The following SH3BGRL variants were observed in gnomAD, a reference collection of about 807,000 sequenced individuals.
The protein encoded by SH3BGRL is SH3 domain binding glutamate rich protein like, also known as adapter SH3BGRL.
In SH3BGRL, 7 loss-of-function variants were observed where a neutral mutation model predicts 9.8. The observed-to-expected ratio is 0.72, with a 90% confidence interval of 0.41 to 1.35. The LOEUF (loss-of-function observed/expected upper bound fraction) is 1.35, where lower values mean the gene tolerates loss of function less well. Among genes scored for constraint, SH3BGRL ranks in the 40% most tolerant of loss-of-function variants. The pLI is 0.01. For missense variants in SH3BGRL, 73 were observed against 84.4 expected (o/e 0.86, Z 0.53); for synonymous variants, 36 against 29.1 (o/e 1.24, Z -0.76).
At chrX:81,236,437 G>T (rs2075648115) in intron 1 of SH3BGRL, among the ~76,000 whole-genome samples, 1 of 111,789 alleles carries the variant, frequency 8.9e-6, no homozygotes, top group South Asian at 3.7e-4. Flanking sequence ...AAACGACTCA[G>T]TGTTAGGTTT....
chrX:81,278,941 C>G (rs1252276687), intron 3 of SH3BGRL, among the ~76,000 whole-genome samples: 2 of 112,190 alleles, frequency 1.8e-5, no homozygotes, highest in Admixed American at 1.9e-4. Flanking sequence ...TCAGGAGAGA[C>G]CAAATAAAGA....
At chrX:81,266,498 C>T (rs1312973531) in intron 1 of SH3BGRL, among the ~76,000 whole-genome samples, 5 of 111,555 alleles carry the variant, frequency 4.5e-5, no homozygotes, top group East Asian at 2.8e-4. Context: ...TCAGATTTAT[C>T]GAAGATCAGA....
At chrX:81,253,244 A>T (rs2075716214) in intron 1 of SH3BGRL, among the ~76,000 whole-genome samples, 1 of 112,779 alleles carries the variant, frequency 8.9e-6, no homozygotes, top group African/African-American at 3.2e-5. Flanking sequence ...GATTTCACAC[A>T]TAAATAACCC....
chrX:81,211,760 C>T (rs761734912), intron 1 of SH3BGRL, among the ~76,000 whole-genome samples: 73 of 111,442 alleles, frequency 6.6e-4, no homozygotes, highest in African/African-American at 2.3e-3. Context: ...TGCCTTTGAA[C>T]GTCGGACTTC....
intron 1 of SH3BGRL, among the ~76,000 whole-genome samples, chrX:81,226,597 A>G (rs1385518945): frequency 9.8e-6 from 1 of 102,063 alleles, no homozygotes; most frequent in Non-Finnish European, 2.0e-5. Context: ...TATTTTATGT[A>G]TTTATATTTT....
chrX:81,211,812 C>T (rs1038117561), intron 1 of SH3BGRL, among the ~76,000 whole-genome samples: 1 of 111,080 alleles, frequency 9.0e-6, no homozygotes, highest in Non-Finnish European at 1.9e-5. Context: ...CTCCTTGATC[C>T]TCAGCTTGCA....
intron 1 of SH3BGRL, among the ~76,000 whole-genome samples, chrX:81,242,362 T>C (rs1336177245): frequency 8.9e-6 from 1 of 111,926 alleles, no homozygotes; most frequent in African/African-American, 3.3e-5. Context: ...GACATCCATA[T>C]GCAGAAGAAT....
intron 1 of SH3BGRL, among the ~76,000 whole-genome samples, chrX:81,203,668 G>T (rs1476251242): frequency 9.0e-6 from 1 of 111,508 alleles, no homozygotes; most frequent in Non-Finnish European, 1.9e-5. Context: ...CAGGCAGTTA[G>T]TTTTGCTTTG....
chrX:81,264,562 T>C (rs765384052), intron 1 of SH3BGRL, among the ~76,000 whole-genome samples: 34 of 111,776 alleles, frequency 3.0e-4, no homozygotes, highest in African/African-American at 8.4e-4. Context: ...TGGGGTTATC[T>C]TGGGAGGCTT....
chrX:81,237,515 T>A (rs2075652315), intron 1 of SH3BGRL, among the ~76,000 whole-genome samples: 1 of 111,578 alleles, frequency 9.0e-6, no homozygotes, highest in Non-Finnish European at 1.9e-5. Context: ...CAAACTCAGC[T>A]GATGTCTGGA....
At chrX:81,204,793 G>T (rs188107446) in intron 1 of SH3BGRL, among the ~76,000 whole-genome samples, 61 of 112,174 alleles carry the variant, frequency 5.4e-4, no homozygotes, top group African/African-American at 1.8e-3. Context: ...CTGCAATCCA[G>T]CCTGGGCAAC....
intron 2 of SH3BGRL, among the ~76,000 whole-genome samples, 158 bp from the exon 3 acceptor site, chrX:81,278,172 AG>A (rs909599152): frequency 3.6e-5 from 4 of 112,529 alleles, no homozygotes; most frequent in Admixed American, 1.9e-4. Flanking sequence ...CATGTTGGTC[AG>A]GCTGGTCTCA....
At chrX:81,265,383 C>T (rs900007014) in intron 1 of SH3BGRL, among the ~76,000 whole-genome samples, 40 of 108,743 alleles carry the variant, frequency 3.7e-4, no homozygotes, top group Non-Finnish European at 5.9e-4. Context: ...CCACAGGCCC[C>T]GGTGTGTGAT....
chrX:81,289,550 A>G (rs1401227612), intron 3 of SH3BGRL, among the ~76,000 whole-genome samples: 1 of 111,555 alleles, frequency 9.0e-6, no homozygotes, highest in Non-Finnish European at 1.9e-5. Flanking sequence ...ACGAGCATAT[A>G]TGAGAGGCTC....
rs762540418 is a variant in SH3BGRL, at chrX:81,224,301, C to T, written c.45+22056C>T. On this transcript the variant is annotated intron_variant, in intron 1 of 3. Transcript: ENST00000373212. Reference sequence around the variant, plus strand: ...TCAACCAGGAAACCCTGTGTTGGGGCGTAAAGGGCCTTAGGGAAATGGGTT... The same window carrying T: ...TCAACCAGGAAACCCTGTGTTGGGGTGTAAAGGGCCTTAGGGAAATGGGTT... Among the ~76,000 whole-genome samples, 12 of 111,085 alleles carry T rather than the reference C, an allele frequency of 1.1e-4. No homozygotes were observed. The East Asian group carries it at 1.7e-3, about 16-fold the overall frequency.
At chrX:81,265,286 G>A (rs138508081) in intron 1 of SH3BGRL, among the ~76,000 whole-genome samples, 1 of 105,737 alleles carries the variant, frequency 9.5e-6, no homozygotes, top group Non-Finnish European at 1.9e-5. Context: ...AGGTATACAC[G>A]TGCCATGGTG....
At chrX:81,232,386 T>C (rs2075635640) in intron 1 of SH3BGRL, among the ~76,000 whole-genome samples, 1 of 106,918 alleles carries the variant, frequency 9.4e-6, no homozygotes, top group African/African-American at 3.5e-5. Flanking sequence ...AAATAAATAG[T>C]AGTGAATTAG....
intron 1 of SH3BGRL, among the ~76,000 whole-genome samples, chrX:81,234,986 G>A (rs2075643385): frequency 9.0e-6 from 1 of 111,699 alleles, no homozygotes; most frequent in Non-Finnish European, 1.9e-5. Flanking sequence ...TAAATCTCAT[G>A]TAATGGAACA....
intron 1 of SH3BGRL, among the ~76,000 whole-genome samples, chrX:81,273,634 C>A (rs1210515141): frequency 2.0e-5 from 2 of 98,000 alleles, no homozygotes; most frequent in Non-Finnish European, 4.0e-5. Context: ...GCAAAATTCC[C>A]ACTTTGGTTA....
Sources: gnomAD v4.1 joint callset for allele counts (sites outside exome capture counted in the v4.1 genomes callset) on GRCh38, gnomAD v4.1.1 for gene constraint, MANE v1.5 for transcripts, NCBI Gene and HGNC (gene_info 2026-07-23, HGNC 2026-07-21) for gene names.